HAUS6: variants seen among roughly 807,000 people sequenced by gnomAD.
HAUS6 encodes the protein HAUS augmin like complex subunit 6, also known as HAUS augmin-like complex subunit 6.
In HAUS6, 80 loss-of-function variants were observed where a neutral mutation model predicts 106.8. The observed-to-expected ratio is 0.75, with a 90% CI of 0.63 to 0.90. HAUS6 has a LOEUF of 0.90. HAUS6 is among the 40% of genes least tolerant of loss of function. The pLI, the probability that HAUS6 is intolerant of heterozygous loss-of-function variation, is 0.00. For missense variants in HAUS6, 1,155 were observed against 1,118.1 expected, an observed-to-expected ratio of 1.03 and a Z score of -0.47; for synonymous variants, 356 against 379.1, an observed-to-expected ratio of 0.94 and a Z score of 0.71.
At chr9:19,080,358 T>C (rs1345805423) in intron 9 of HAUS6, 121 bp downstream of exon 9, 6 of 652,398 alleles carry the variant, frequency 9.2e-6, no homozygotes, top group Admixed American at 2.9e-5. Context: ...TGTAAGATTT[T>C]TGAGTATTAG....
intron 1 of HAUS6, among the ~76,000 whole-genome samples, chr9:19,100,061 G>T (rs1385864887): frequency 6.6e-6 from 1 of 152,116 alleles, no homozygotes; most frequent in African/African-American, 2.4e-5. Context: ...CAGGCGTGGT[G>T]GCAGGCGCCT....
intron 5 of HAUS6, among the ~76,000 whole-genome samples, 190 bp downstream of exon 5, chr9:19,089,222 G>T (rs11788135): frequency 0.082 from 12,452 of 151,880 alleles, 555 homozygotes; most frequent in East Asian, 0.1. Flanking sequence ...CAGCCTAGGA[G>T]CCTGGGTGAC....
intron 3 of HAUS6, among the ~76,000 whole-genome samples, chr9:19,093,511 A>T (rs1038671030): frequency 2.6e-5 from 4 of 152,234 alleles, no homozygotes; most frequent in African/African-American, 9.6e-5. Flanking sequence ...AGCAGAGTGC[A>T]AAGCAAAGTG....
At chr9:19,071,078 T>C (rs1030238801) in intron 11 of HAUS6, among the ~76,000 whole-genome samples, 12 of 152,188 alleles carry the variant, frequency 7.9e-5, no homozygotes, top group African/African-American at 2.2e-4. Context: ...CTGAAAGGCT[T>C]TCCCCATTTG....
intron 16 of HAUS6, chr9:19,057,031 C>T (rs1463984675): frequency 1.3e-5 from 2 of 152,096 alleles, no homozygotes; most frequent in Non-Finnish European, 2.9e-5. Context: ...ATGAGGAAAA[C>T]ATTCAAACAT....
chr9:19,062,757 G>A (rs781260152), intron 14 of HAUS6, among the ~76,000 whole-genome samples: 6 of 152,194 alleles, frequency 3.9e-5, no homozygotes, highest in Non-Finnish European at 7.3e-5. Flanking sequence ...AGTCTCCTGG[G>A]CTTTAAGTGA....
At position 19,053,685 on chromosome 9, in the gene HAUS6, TAAAAC is replaced by T. The variant is rs1836407877; in HGVS notation, c.*2653_*2657del. 1 of 152,170 alleles carries T rather than the reference TAAAAC, an allele frequency of 6.6e-6. No homozygotes were observed. The highest frequency in any genetic ancestry group is 1.5e-5 in the Non-Finnish European group (1 of 68,004). 9.4% of individuals were successfully genotyped at this position (152,170 alleles called of 1,614,324 possible). On this transcript the variant is annotated 3_prime_UTR_variant, in exon 17 of 17. Transcript: ENST00000380502. ...ATATACCTTTGTATCTTACAAATAG[TAAAAC>T]AAAGTACATTCTATATGTCTGATAT...
intron 4 of HAUS6, among the ~76,000 whole-genome samples, chr9:19,092,948 C>A (rs573174429): frequency 2.1e-5 from 3 of 140,414 alleles, no homozygotes; most frequent in East Asian, 4.2e-4. Flanking sequence ...TGTTTCCCAA[C>A]CCTTGTATTA....
rs1336752925 is a variant in HAUS6 at position 19,089,556 on chromosome 9, G to T, written c.440C>A (p.Ser147Tyr). The T allele has an allele frequency of 4.4e-6, 7 of 1,604,306 alleles. No homozygotes were observed. The highest frequency in any genetic ancestry group is 6.0e-6 in the Non-Finnish European group (7 of 1,173,678). Reference sequence around the variant, plus strand: ...AAATGTCTCTACAAAATGATGAGAAGAATCTACACAGAACACAAATAAGAT... The same window carrying T: ...AAATGTCTCTACAAAATGATGAGAATAATCTACACAGAACACAAATAAGAT... Reference protein sequence around the residue: ...MKYIKSNSKNSSHHFVETFNI... With the variant: ...MKYIKSNSKNYSHHFVETFNI... Residue 147 changes from serine to tyrosine, a missense_variant, in exon 5 of 17, where the codon TCT (serine) becomes TAT (tyrosine). Physicochemically the swap from Ser to Tyr is moderately radical, Grantham distance 144. This residue lies in a region of HAUS6 where 761 missense variants were observed against 690.0 expected (regional missense o/e 1.10). Coordinates refer to ENST00000380502, the MANE Select transcript of HAUS6 (RefSeq NM_017645.5).
At chr9:19,072,147 G>A (rs1243029176) in intron 11 of HAUS6, among the ~76,000 whole-genome samples, 1 of 150,750 alleles carries the variant, frequency 6.6e-6, no homozygotes, top group Non-Finnish European at 1.5e-5. Flanking sequence ...TGGAAATCAT[G>A]CCATTGCACT....
At position 19,079,434 on chromosome 9, in the gene HAUS6, T is replaced by C. The variant is rs554202402; in HGVS notation, c.1064+1045A>G. Among the ~76,000 whole-genome samples, 26 of 151,720 alleles carry C rather than the reference T, an allele frequency of 1.7e-4. No individual in the cohort carries two copies. In the East Asian group the frequency reaches 5.1e-3, roughly 30 times the overall value. On this transcript the variant is annotated intron_variant, in intron 9 of 16. Coordinates refer to ENST00000380502, the MANE Select transcript of HAUS6 (RefSeq NM_017645.5). ...TTGGTAGGGACGCAGTTTCCCCATA[T>C]TGGCCAGAATGGTCTTGAACTTCTG...
At chr9:19,089,262 A>C (rs1445273883) in intron 5 of HAUS6, 150 bp downstream of exon 5, 1 of 607,582 alleles carries the variant, frequency 1.6e-6, no homozygotes, top group East Asian at 2.8e-5. Context: ...GATAGGGAAA[A>C]AAAAAAAGAA....
rs571992399 is a variant in HAUS6, at chr9:19,102,859, C to T, written c.-208G>A. 10 of 460,094 alleles carry T rather than the reference C, an allele frequency of 2.2e-5. No homozygotes were observed. The highest frequency in any genetic ancestry group is 2.1e-4 in the Admixed American group (5 of 24,054). The allele number at this position is 460,094 out of a possible 1,614,324, so 28.5% of individuals were successfully genotyped here. ...GTTTCTAACGGTATAGTGCGGCCAC[C>T]ACTGCCTCAGCGAAGCCACCACAAA... On this transcript the variant is annotated 5_prime_UTR_variant, in exon 1 of 17. Coordinates refer to ENST00000380502, the MANE Select transcript of HAUS6 (RefSeq NM_017645.5).
At chr9:19,064,046 C>T (rs975207665) in intron 12 of HAUS6, among the ~76,000 whole-genome samples, 19 of 151,572 alleles carry the variant, frequency 1.3e-4, no homozygotes, top group South Asian at 4.2e-4. Context: ...TGGCTCACCA[C>T]GACCTCCGCC....
chr9:19,056,844 T>C, intron 16 of HAUS6: 1 of 158,514 alleles, frequency 6.3e-6, no homozygotes, highest in Non-Finnish European at 1.4e-5. Context: ...CAAGTGATCC[T>C]CCCATCTCGG....
chr9:19,066,899 T>C lies in HAUS6; in HGVS notation c.1377-3319A>G, dbSNP rs531409263. Among the ~76,000 whole-genome samples the C allele has an allele frequency of 9.1e-4, 137 of 150,934 alleles. 2 individuals are homozygous for C. In the Middle Eastern group the frequency reaches 0.01, roughly 11 times the overall value. On this transcript the variant is annotated intron_variant, in intron 12 of 16. Coordinates refer to ENST00000380502, the MANE Select transcript of HAUS6 (RefSeq NM_017645.5). ...GTGCATGCCTGCACTCCTAGCTACTTGGGTAGCTGAGATGGGAGGATCACT... is the reference window on the plus strand; with the variant it reads ...GTGCATGCCTGCACTCCTAGCTACTCGGGTAGCTGAGATGGGAGGATCACT...
At chr9:19,059,039 C>T in intron 15 of HAUS6, 38 bp from the exon 16 acceptor site, 2 of 1,111,194 alleles carry the variant, frequency 1.8e-6, no homozygotes, top group Admixed American at 4.0e-5. Flanking sequence ...TACTAACATT[C>T]CCAAACATAG....
At chr9:19,068,465 A>G (rs982865052) in intron 12 of HAUS6, among the ~76,000 whole-genome samples, 1 of 152,196 alleles carries the variant, frequency 6.6e-6, no homozygotes, top group African/African-American at 2.4e-5. Context: ...TTCTTCCACA[A>G]CTAGTCCTGA....
At chr9:19,089,308 C>T (rs1375646658) in intron 5 of HAUS6, 104 bp downstream of exon 5, 10 of 713,756 alleles carry the variant, frequency 1.4e-5, no homozygotes, top group Admixed American at 1.1e-4. Flanking sequence ...GAAAGATAAC[C>T]GCCAAGGTTT....
Sources: allele counts gnomAD v4.1 joint callset (sites outside exome capture counted in the v4.1 genomes callset), GRCh38; gene constraint gnomAD v4.1.1; regional missense constraint gnomAD v4.1.1; transcripts MANE v1.5; gene names NCBI Gene and HGNC (gene_info 2026-07-23, HGNC 2026-07-21).